PDE8A: variants seen among roughly 807,000 people sequenced by gnomAD.
PDE8A encodes high affinity cAMP-specific and IBMX-insensitive 3',5'-cyclic phosphodiesterase 8A.
In PDE8A, 59 loss-of-function variants were observed where a neutral mutation model predicts 105.0. The observed-to-expected ratio is 0.56, with a 90% CI of 0.46 to 0.70. The LOEUF is 0.70. PDE8A is among the 30% of genes least tolerant of loss of function. PDE8A has a pLI of 0.00. For synonymous variants in PDE8A, 355 were observed against 371.9 expected, an observed-to-expected ratio of 0.95 and a Z score of 0.52; for missense variants, 1,014 against 1,045.9, an observed-to-expected ratio of 0.97 and a Z score of 0.42.
chr15:85,063,423 G>A (rs1209720799), intron 1 of PDE8A: 1 of 152,196 alleles, frequency 6.6e-6, no homozygotes, highest in African/African-American at 2.4e-5. Flanking sequence ...ATTACAAAAT[G>A]TGTCTCTTCC....
chr15:85,092,517 G>A (rs1396867653), intron 8 of PDE8A, among the ~76,000 whole-genome samples: 1 of 152,038 alleles, frequency 6.6e-6, no homozygotes, highest in Non-Finnish European at 1.5e-5. Flanking sequence ...GCAGTCATCC[G>A]AGACCACAGC....
chr15:85,000,939 C>G (rs1373750082), intron 1 of PDE8A, among the ~76,000 whole-genome samples: 2 of 152,156 alleles, frequency 1.3e-5, no homozygotes, highest in East Asian at 1.9e-4. Context: ...AACCTACATG[C>G]AGAGGTCTAG....
chr15:85,099,732 G>A (rs1004015356), intron 9 of PDE8A: 4 of 417,462 alleles, frequency 9.6e-6, no homozygotes, highest in Non-Finnish European at 1.7e-5. Flanking sequence ...CTCTCAGTTG[G>A]TTAACATGCA....
At chr15:85,048,769 A>G (rs1208972199) in intron 1 of PDE8A, among the ~76,000 whole-genome samples, 1 of 152,200 alleles carries the variant, frequency 6.6e-6, no homozygotes, top group African/African-American at 2.4e-5. Flanking sequence ...TGATGATTAT[A>G]CAGACCATTT....
At chr15:85,053,153 G>C (rs1012314102) in intron 1 of PDE8A, among the ~76,000 whole-genome samples, 1 of 152,142 alleles carries the variant, frequency 6.6e-6, no homozygotes, top group African/African-American at 2.4e-5. Flanking sequence ...TTATTTCTGA[G>C]GGCTCTGTTC....
chr15:85,042,247 G>C (rs2080821507), intron 1 of PDE8A, among the ~76,000 whole-genome samples: 1 of 152,074 alleles, frequency 6.6e-6, no homozygotes, highest in African/African-American at 2.4e-5. Context: ...TGCAATAATA[G>C]CTCACTGCAG....
upstream of PDE8A, among the ~76,000 whole-genome samples, chr15:84,981,725 CGCGGCCGGGA>C (rs1447731462): frequency 6.6e-6 from 1 of 151,194 alleles, no homozygotes; most frequent in African/African-American, 2.4e-5. Context: ...CGGGGCCGGG[CGCGGCCGGGA>C]GCTCGCCTCC....
chr15:85,095,979 G>A (rs1451223819), intron 8 of PDE8A, among the ~76,000 whole-genome samples: 1 of 151,498 alleles, frequency 6.6e-6, no homozygotes, highest in Non-Finnish European at 1.5e-5. Context: ...AGGTTCAAGC[G>A]ATTCTCCTGC....
chr15:85,038,097 A>C (rs945458054), intron 1 of PDE8A, among the ~76,000 whole-genome samples: 1 of 152,208 alleles, frequency 6.6e-6, no homozygotes, highest in Admixed American at 6.5e-5. Context: ...AAAACTTAAA[A>C]ATTGTTGATG....
At chr15:84,998,679 A>G (rs966851290) in intron 1 of PDE8A, among the ~76,000 whole-genome samples, 2 of 152,168 alleles carry the variant, frequency 1.3e-5, no homozygotes, top group African/African-American at 4.8e-5. Flanking sequence ...ATTTTTAGGT[A>G]AAAACAGGAA....
At chr15:85,041,668 GCCTTTAAAC>G (rs1259293864) in intron 1 of PDE8A, among the ~76,000 whole-genome samples, 1 of 152,070 alleles carries the variant, frequency 6.6e-6, no homozygotes, top group African/African-American at 2.4e-5. Context: ...TCAAGATTTT[GCCTTTAAAC>G]CCTTAGGAAG....
chr15:85,075,444 C>T (rs2081367304), intron 3 of PDE8A, among the ~76,000 whole-genome samples: 1 of 152,172 alleles, frequency 6.6e-6, no homozygotes, highest in Non-Finnish European at 1.5e-5. Context: ...AGCCCTTGGG[C>T]TCCTTTATCC....
chr15:85,016,038 AG>A (rs1262155227), intron 1 of PDE8A, among the ~76,000 whole-genome samples: 2 of 152,150 alleles, frequency 1.3e-5, no homozygotes, highest in East Asian at 3.9e-4. Context: ...TGGGAGGCTG[AG>A]GCATAACAAT....
In PDE8A at chr15:85,117,824, C is replaced by T. The variant is rs749474897; in HGVS notation, c.1719C>T (p.Ser573=). Residue 573 remains serine, a synonymous_variant, in exon 17 of 22, where the codon TCC becomes TCT. Transcript: ENST00000394553. Reference sequence around the variant, plus strand: ...TTCATGCCACTGCCTATTTTCTCTCCAAGGAGAGGATAAAGGTGAGCTGTT... The same window carrying T: ...TTCATGCCACTGCCTATTTTCTCTCTAAGGAGAGGATAAAGGTGAGCTGTT... The part of the protein sequence containing the change: ...DVLHATAYFL[S]KERIKETLDP... The T allele has an allele frequency of 1.2e-6, 2 of 1,613,388 alleles. No individual in the cohort carries two copies. Among genetic ancestry groups the T allele is most frequent in the South Asian group, 2.2e-5 (2 of 91,066 alleles).
chr15:85,099,195 G>A (rs150115075), intron 9 of PDE8A, among the ~76,000 whole-genome samples: 1 of 152,336 alleles, frequency 6.6e-6, no homozygotes, highest in Non-Finnish European at 1.5e-5. Context: ...CCTAACTGCA[G>A]CCCTGTGAGG....
intron 20 of PDE8A, among the ~76,000 whole-genome samples, chr15:85,133,990 T>A (rs2082365918): frequency 6.6e-6 from 1 of 152,202 alleles, no homozygotes. Context: ...TTGTAGACCC[T>A]GCCTTGCAGG....
intron 6 of PDE8A, 25 bp from the exon 7 acceptor site, chr15:85,089,313 T>G: frequency 8.4e-7 from 1 of 1,192,524 alleles, no homozygotes; most frequent in Non-Finnish European, 1.2e-6. Context: ...ACATTAATCA[T>G]TCCTTTTTTT....
At chr15:85,088,388 G>C (rs1480345101) in intron 6 of PDE8A, among the ~76,000 whole-genome samples, 1 of 152,216 alleles carries the variant, frequency 6.6e-6, no homozygotes, top group Admixed American at 6.5e-5. Context: ...TGTGATCCTT[G>C]TGACTGGCTT....
chr15:85,040,429 CTTTT>C (rs1275090826), intron 1 of PDE8A, among the ~76,000 whole-genome samples: 1 of 150,298 alleles, frequency 6.7e-6, no homozygotes, highest in Non-Finnish European at 1.5e-5. Flanking sequence ...TAAGTCTCCT[CTTTT>C]TGTTTTATTT....
Sources: gnomAD v4.1 joint callset for allele counts (sites outside exome capture counted in the v4.1 genomes callset) on GRCh38, gnomAD v4.1.1 for gene constraint, MANE v1.5 for transcripts, NCBI Gene and HGNC (gene_info 2026-07-23, HGNC 2026-07-21) for gene names.